DNAJC18: variants seen among roughly 807,000 people sequenced by gnomAD.
DNAJC18 encodes the protein DnaJ heat shock protein family (Hsp40) member C18.
DNAJC18 carries 40 observed loss-of-function variants against 48.6 expected under a neutral mutation model. The observed-to-expected ratio is 0.82, with a 90% CI of 0.64 to 1.07. The LOEUF (loss-of-function observed/expected upper bound fraction) is 1.07. Ranked by LOEUF, DNAJC18 falls within the 50% of genes least tolerant of loss-of-function variation. The pLI is 0.00. For synonymous variants in DNAJC18, 135 were observed against 152.2 expected, an observed-to-expected ratio of 0.89 and a Z score of 0.83; for missense variants, 340 against 427.7, an observed-to-expected ratio of 0.79 and a Z score of 1.81.
intron 5 of DNAJC18, among the ~76,000 whole-genome samples, chr5:139,424,748 A>C (rs1314694864): frequency 1.3e-5 from 2 of 149,734 alleles, no homozygotes; most frequent in African/African-American, 4.9e-5. Flanking sequence ...AAAAAAAAAA[A>C]AAGCCTTGAT....
At chr5:139,429,335 G>A (rs1032999002) in intron 2 of DNAJC18, among the ~76,000 whole-genome samples, 5 of 152,016 alleles carry the variant, frequency 3.3e-5, no homozygotes, top group African/African-American at 1.2e-4. Flanking sequence ...GCCCACCTTG[G>A]CCTCCCAAAG....
In DNAJC18 at chr5:139,437,455, C is replaced by A. The variant is rs200563125; in HGVS notation, c.144G>T (p.Lys48Asn). The A allele has an allele frequency of 4.1e-5, 66 of 1,614,194 alleles. No homozygotes were observed. The Admixed American group carries it at 7.7e-4, about 19-fold the overall frequency. The change falls in exon 2 of 8, where the codon AAG (lysine) becomes AAT (asparagine). Residue 48 changes from lysine (K) to asparagine (N), a missense_variant. Physicochemically the swap from Lys to Asn is moderately conservative, Grantham distance 94 (BLOSUM62 0). Coordinates refer to ENST00000302060, the MANE Select transcript of DNAJC18 (RefSeq NM_152686.4). ...TCTGAGTCCACTCATTCTCAGACTT[C>A]TTTTCCTTTTGTGCCTTCATGCAGT... ...CCNCMKAQKE[K>N]KSENEWTQTR...
intron 2 of DNAJC18, among the ~76,000 whole-genome samples, chr5:139,433,922 G>C (rs994669032): frequency 6.6e-6 from 1 of 152,082 alleles, no homozygotes; most frequent in African/African-American, 2.4e-5. Flanking sequence ...ACAGAGTTTC[G>C]CTCTTGTTGC....
At chr5:139,430,005 A>G (rs967818323) in intron 2 of DNAJC18, among the ~76,000 whole-genome samples, 10 of 152,240 alleles carry the variant, frequency 6.6e-5, no homozygotes, top group African/African-American at 2.4e-4. Context: ...ATAATAGTTT[A>G]GACTAGACAG....
At chr5:139,437,262 AATT>A in intron 2 of DNAJC18, 107 bp downstream of exon 2, 1 of 1,358,710 alleles carries the variant, frequency 7.4e-7, no homozygotes, top group Non-Finnish European at 9.8e-7. Flanking sequence ...AGTATGCCTC[AATT>A]ATCATCATCA....
intron 2 of DNAJC18, among the ~76,000 whole-genome samples, chr5:139,436,224 C>A (rs1750654871): frequency 6.6e-6 from 1 of 151,542 alleles, no homozygotes; most frequent in African/African-American, 2.4e-5. Context: ...TAGCTGGGAC[C>A]ACAGGCATGT....
In DNAJC18 at chr5:139,410,488, C is replaced by G. The variant is rs935055462; in HGVS notation, c.*3660G>C. ...AAAAAAAAGATGTTTTGTAACTTGG[C>G]CCTTTCCAAAAATAAATATATTAGG... On this transcript the variant is annotated 3_prime_UTR_variant, in exon 8 of 8. Transcript: ENST00000302060. The G allele has an allele frequency of 6.6e-6, 1 of 152,110 alleles. No individual in the cohort carries two copies. The highest frequency in any genetic ancestry group is 2.1e-4 in the South Asian group (1 of 4,820). 9.4% of individuals were successfully genotyped at this position (152,110 alleles called of 1,614,324 possible). A position where few individuals can be genotyped will look rare whatever the true frequency, so the allele number is the denominator to read the frequency against.
intron 2 of DNAJC18, among the ~76,000 whole-genome samples, chr5:139,434,224 A>G (rs1759374743): frequency 6.6e-6 from 1 of 152,198 alleles, no homozygotes; most frequent in Non-Finnish European, 1.5e-5. Context: ...CAATGTATTT[A>G]TCTTTTAAAA....
At chr5:139,435,951 T>C (rs551765750) in intron 2 of DNAJC18, among the ~76,000 whole-genome samples, 1 of 152,014 alleles carries the variant, frequency 6.6e-6, no homozygotes, top group East Asian at 1.9e-4. Flanking sequence ...CTTGAACTCC[T>C]GGGCTCAAGT....
At chr5:139,431,676 T>A (rs934376262) in intron 2 of DNAJC18, among the ~76,000 whole-genome samples, 1 of 152,228 alleles carries the variant, frequency 6.6e-6, no homozygotes, top group Non-Finnish European at 1.5e-5. Context: ...TGTACAAGTT[T>A]TTTTGTGGAA....
At chr5:139,416,082 A>G (rs1392320106) in intron 7 of DNAJC18, among the ~76,000 whole-genome samples, 1 of 152,216 alleles carries the variant, frequency 6.6e-6, no homozygotes, top group Non-Finnish European at 1.5e-5. Context: ...GTTTCAAGGA[A>G]TCATGTCCCA....
At chr5:139,438,192 T>A (rs893800241) in intron 1 of DNAJC18, among the ~76,000 whole-genome samples, 1 of 151,834 alleles carries the variant, frequency 6.6e-6, no homozygotes, top group Non-Finnish European at 1.5e-5. Flanking sequence ...GGCAGGCGCC[T>A]GTAGTCCCAG....
chr5:139,437,291 G>T, intron 2 of DNAJC18, 81 bp downstream of exon 2: 6 of 1,457,736 alleles, frequency 4.1e-6, no homozygotes, highest in Non-Finnish European at 4.6e-6. Flanking sequence ...ATTATCATCA[G>T]TCAATACTTA....
intron 7 of DNAJC18, among the ~76,000 whole-genome samples, chr5:139,415,885 C>T (rs758379879): frequency 1.3e-5 from 2 of 152,196 alleles, no homozygotes; most frequent in Non-Finnish European, 2.9e-5. Flanking sequence ...ATGCTTCATT[C>T]CCTGAAATCT....
intron 2 of DNAJC18, among the ~76,000 whole-genome samples, chr5:139,431,303 C>T (rs1220549172): frequency 6.6e-6 from 1 of 152,138 alleles, no homozygotes; most frequent in Non-Finnish European, 1.5e-5. Flanking sequence ...TCACCACTAT[C>T]TCATTTCAGG....
At chr5:139,433,519 C>T (rs1369641552) in intron 2 of DNAJC18, among the ~76,000 whole-genome samples, 2 of 151,480 alleles carry the variant, frequency 1.3e-5, no homozygotes, top group African/African-American at 4.8e-5. Context: ...ACTCAAGAGA[C>T]AAACTGCTCA....
chr5:139,427,054 T>C (rs1267096512), intron 3 of DNAJC18, among the ~76,000 whole-genome samples: 1 of 152,242 alleles, frequency 6.6e-6, no homozygotes, highest in African/African-American at 2.4e-5. Context: ...TGCAATAGTT[T>C]ATGTTGGAAA....
chr5:139,439,453 C>T lies in DNAJC18; in HGVS notation c.-8G>A, dbSNP rs1281718075. On this transcript the variant is annotated 5_prime_UTR_variant, in exon 1 of 8. Transcript: ENST00000302060. The surrounding 1 kb of genome is among the most constrained non-coding windows in gnomAD (Gnocchi z 4.1). Reference sequence around the variant, plus strand: ...GCCCAGAGTCGCCGCCATATCGGTTCCCAATCAGCAGGTCCGCCGAGCCTC... The same window carrying T: ...GCCCAGAGTCGCCGCCATATCGGTTTCCAATCAGCAGGTCCGCCGAGCCTC... 4 of 1,614,020 alleles carry T rather than the reference C, an allele frequency of 2.5e-6. No individual in the cohort carries two copies. The highest frequency in any genetic ancestry group is 4.5e-5 in the East Asian group (2 of 44,868).
chr5:139,433,345 GA>G (rs1024105407), intron 2 of DNAJC18, among the ~76,000 whole-genome samples: 2 of 151,894 alleles, frequency 1.3e-5, no homozygotes, highest in South Asian at 2.1e-4. Context: ...TTGGGAGGCT[GA>G]GGCAGGACAA....
Sources: allele counts gnomAD v4.1 joint callset (sites outside exome capture counted in the v4.1 genomes callset), GRCh38; gene constraint gnomAD v4.1.1; non-coding constraint Gnocchi (gnomAD v3.1); transcripts MANE v1.5; gene names NCBI Gene and HGNC (gene_info 2026-07-23, HGNC 2026-07-21).